The following PRSS23 variants were observed in gnomAD, a reference collection of about 807,000 sequenced individuals.
The protein encoded by PRSS23 is serine protease 23.
A neutral mutation model predicts 34.7 loss-of-function variants in PRSS23; 25 were observed. That is an observed-to-expected ratio of 0.72 (90% CI 0.53 to 1.01). The LOEUF (loss-of-function observed/expected upper bound fraction) is 1.01, where lower values mean the gene tolerates loss of function less well. Among genes scored for constraint, PRSS23 ranks in the 50% least tolerant of loss-of-function variants. PRSS23 has a pLI of 0.00. For missense variants in PRSS23, 445 were observed against 475.6 expected, an observed-to-expected ratio of 0.94 and a Z score of 0.60; for synonymous variants, 176 against 186.6, an observed-to-expected ratio of 0.94 and a Z score of 0.46.
chr11:86,814,395 T>C (rs1423479592), downstream of PRSS23, among the ~76,000 whole-genome samples: 1 of 151,864 alleles, frequency 6.6e-6, no homozygotes, highest in South Asian at 2.1e-4. Flanking sequence ...GTAAGGAAGC[T>C]GGTAAGAAGC....
chr11:86,897,713 C>T (rs542408993), intron 2 of PRSS23, among the ~76,000 whole-genome samples: 33 of 152,252 alleles, frequency 2.2e-4, no homozygotes, highest in Middle Eastern at 3.4e-3. Flanking sequence ...TCAAGTGATC[C>T]TCCTGCCCTG....
intron 2 of PRSS23, among the ~76,000 whole-genome samples, chr11:86,860,513 T>G (rs1201016967): frequency 6.6e-6 from 1 of 150,878 alleles, no homozygotes; most frequent in African/African-American, 2.4e-5. Flanking sequence ...ACAAGGGTTG[T>G]ACACCCCCTG....
intron 2 of PRSS23, among the ~76,000 whole-genome samples, chr11:86,832,301 C>T (rs1246514954): frequency 6.6e-6 from 1 of 151,990 alleles, no homozygotes; most frequent in Non-Finnish European, 1.5e-5. Flanking sequence ...AGGGTGTACA[C>T]CTGGGGATAT....
chr11:86,879,275 A>C, intron 2 of PRSS23, among the ~76,000 whole-genome samples: 1 of 139,254 alleles, frequency 7.2e-6, no homozygotes, highest in Admixed American at 7.1e-5. Context: ...CCCAGCTGCG[A>C]CCCCGTCTGG....
chr11:86,823,618 A>G (rs1398179509), intron 2 of PRSS23: 1 of 702,260 alleles, frequency 1.4e-6, no homozygotes, highest in Admixed American at 2.0e-5. Context: ...GATTATCACA[A>G]AGCAGTGTGC....
intron 1 of PRSS23, among the ~76,000 whole-genome samples, chr11:86,822,192 G>C (rs540428579): frequency 2.4e-4 from 37 of 152,230 alleles, no homozygotes; most frequent in African/African-American, 8.9e-4. Context: ...ACTGAAAAAC[G>C]TGTCTTTGTG....
In PRSS23 at chr11:86,807,760, CGTCTTGCCCCA is replaced by C. The variant is rs1948119502; in HGVS notation, c.122_132del (p.Leu41TyrfsTer27). ...CTTGGCCTGCATACCGCCTCCCTGT[CGTCTTGCCCCA>C]GTCTACCCTCAATTTAGCCAAGCCA... On this transcript the variant is annotated frameshift_variant, in exon 2 of 2. Coordinates refer to ENST00000280258, the MANE Select transcript of PRSS23 (RefSeq NM_007173.6). LOFTEE classifies it high-confidence loss of function. 6.2e-7 allele frequency: 1 copy of C among 1,614,132 alleles called. No individual in the cohort carries two copies. The highest frequency in any genetic ancestry group is 8.5e-7 in the Non-Finnish European group (1 of 1,180,020).
At chr11:86,921,680 C>A (rs1226391716) in intron 2 of PRSS23, 1 of 152,220 alleles carries the variant, frequency 6.6e-6, no homozygotes, top group Non-Finnish European at 1.5e-5. Context: ...ACATTTCATT[C>A]TCCATGGTTA....
At chr11:86,936,521 C>T (rs1166485437) in intron 2 of PRSS23, 1 of 152,322 alleles carries the variant, frequency 6.6e-6, no homozygotes, top group Non-Finnish European at 1.5e-5. Context: ...ACCACCTCGA[C>T]CTCCCAAAGT....
At chr11:86,820,841 A>T (rs1399953345) in intron 1 of PRSS23, among the ~76,000 whole-genome samples, 1 of 152,164 alleles carries the variant, frequency 6.6e-6, no homozygotes, top group Non-Finnish European at 1.5e-5. Context: ...TTTGATGAGG[A>T]TTGTGATCCA....
intron 2 of PRSS23, among the ~76,000 whole-genome samples, chr11:86,839,532 G>C (rs1948431925): frequency 6.6e-6 from 1 of 152,078 alleles, no homozygotes; most frequent in Non-Finnish European, 1.5e-5. Flanking sequence ...CACTCTTCAG[G>C]ATATTATCCA....
At chr11:86,936,275 T>TG (rs1949161617) in intron 2 of PRSS23, 2 of 151,986 alleles carry the variant, frequency 1.3e-5, no homozygotes, top group African/African-American at 4.9e-5. Flanking sequence ...CCAATTACTT[T>TG]ATTTTTTTTT....
chr11:86,905,853 C>G (rs1270172456), intron 2 of PRSS23, among the ~76,000 whole-genome samples: 4 of 152,164 alleles, frequency 2.6e-5, no homozygotes, highest in African/African-American at 9.7e-5. Flanking sequence ...CCCCTTTGCA[C>G]CAACCCGCTG....
intron 2 of PRSS23, among the ~76,000 whole-genome samples, chr11:86,845,062 T>C (rs1458983389): frequency 6.7e-6 from 1 of 149,972 alleles, no homozygotes; most frequent in Non-Finnish European, 1.5e-5. Flanking sequence ...CACTTCAGCC[T>C]GGGTAACAAG....
intron 2 of PRSS23, among the ~76,000 whole-genome samples, chr11:86,885,254 AT>A (rs1026407443): frequency 4.6e-5 from 7 of 152,226 alleles, no homozygotes; most frequent in African/African-American, 9.6e-5. Context: ...CATAGGCAAA[AT>A]TAGCAAAGGA....
At chr11:86,880,357 CTTGT>C (rs1184437439) in intron 2 of PRSS23, among the ~76,000 whole-genome samples, 3 of 151,366 alleles carry the variant, frequency 2.0e-5, no homozygotes, top group Admixed American at 1.3e-4. Flanking sequence ...CCTTTGTTCA[CTTGT>C]TTATCTGCTG....
chr11:86,816,510 G>A (rs1221705984), intron 1 of PRSS23, among the ~76,000 whole-genome samples: 3 of 152,124 alleles, frequency 2.0e-5, no homozygotes, highest in East Asian at 1.9e-4. Context: ...TTGAGTTACC[G>A]TCCTGCCTGA....
intron 2 of PRSS23, chr11:86,948,096 G>A (rs1378901062): frequency 6.6e-6 from 1 of 152,228 alleles, no homozygotes; most frequent in Non-Finnish European, 1.5e-5. Flanking sequence ...TCACGAAGCA[G>A]AGCTGATGCT....
chr11:86,838,113 A>G (rs1948420660), intron 2 of PRSS23, among the ~76,000 whole-genome samples: 1 of 151,732 alleles, frequency 6.6e-6, no homozygotes, highest in African/African-American at 2.4e-5. Context: ...TTATTGACAT[A>G]TAATTGGCAT....
Sources: allele counts gnomAD v4.1 joint callset (sites outside exome capture counted in the v4.1 genomes callset), GRCh38; gene constraint gnomAD v4.1.1; transcripts MANE v1.5; gene names NCBI Gene and HGNC (gene_info 2026-07-23, HGNC 2026-07-21).